The following TBC1D16 variants were observed in gnomAD, a reference collection of about 807,000 sequenced individuals.
The protein encoded by TBC1D16 is TBC1 domain family member 16.
TBC1D16 carries 58 observed loss-of-function variants against 74.7 expected under a neutral mutation model. The observed-to-expected ratio is 0.78, with a 90% confidence interval of 0.63 to 0.97. The LOEUF is 0.97. Ranked by LOEUF, TBC1D16 falls within the 50% of genes least tolerant of loss-of-function variation. TBC1D16 has a pLI of 0.00. For synonymous variants in TBC1D16, 493 were observed against 474.7 expected (o/e 1.04, Z -0.50); for missense variants, 1,014 against 1,079.5 (o/e 0.94, Z 0.85).
In TBC1D16 at chr17:79,943,432, C is replaced by T. The variant is rs1486814322; in HGVS notation, c.1909-1226G>A. Reference sequence around the variant, plus strand: ...CAGGCAGGGCGTAGGGCCGTCCAGCCCCACCACATGCTGACAGCGGACGGA... The same window carrying T: ...CAGGCAGGGCGTAGGGCCGTCCAGCTCCACCACATGCTGACAGCGGACGGA... On this transcript the variant is annotated intron_variant, in intron 10 of 11. Coordinates refer to ENST00000310924, the MANE Select transcript of TBC1D16 (RefSeq NM_019020.4). 4.6e-5 allele frequency among the ~76,000 whole-genome samples: 7 copies of T among 152,208 alleles called. No homozygotes were observed. The East Asian group carries it at 1.4e-3, about 29-fold the overall frequency.
At chr17:79,992,359 G>C (rs2035100136) in intron 3 of TBC1D16, 1 of 152,234 alleles carries the variant, frequency 6.6e-6, no homozygotes, top group African/African-American at 2.4e-5. Flanking sequence ...AGGGGAAACC[G>C]TGACCCACAT....
Position 80,008,199 on chromosome 17 carries a change from G to A in TBC1D16, c.779+1961C>T, listed in dbSNP as rs2035749622. Among the ~76,000 whole-genome samples the A allele has an allele frequency of 6.6e-6, 1 of 152,044 alleles. No individual in the cohort carries two copies. Reference sequence around the variant, plus strand: ...GAAGAACCAGCAAGGCGAAGGGCGGGGAAAAGCGAACCGGGGTGCATTCTC... The same window carrying A: ...GAAGAACCAGCAAGGCGAAGGGCGGAGAAAAGCGAACCGGGGTGCATTCTC... On this transcript the variant is annotated intron_variant, in intron 3 of 11. Transcript: ENST00000310924. This position sits in a 1 kb window ranked among gnomAD's most constrained non-coding sequence, Gnocchi z 4.5.
At chr17:79,945,796 G>A (rs771908940) in intron 9 of TBC1D16, among the ~76,000 whole-genome samples, 10 of 152,360 alleles carry the variant, frequency 6.6e-5, no homozygotes, top group African/African-American at 9.6e-5. Flanking sequence ...ACACACACCC[G>A]TTGATGCAGA....
At chr17:79,976,252 C>T (rs2034325443) in intron 3 of TBC1D16, among the ~76,000 whole-genome samples, 1 of 152,246 alleles carries the variant, frequency 6.6e-6, no homozygotes, top group African/African-American at 2.4e-5. Context: ...CTGGTCATTG[C>T]TCACACCGGC....
chr17:79,970,694 C>T (rs2034051368), intron 3 of TBC1D16, among the ~76,000 whole-genome samples: 1 of 152,114 alleles, frequency 6.6e-6, no homozygotes, highest in South Asian at 2.1e-4. Flanking sequence ...GGTGGAGGGG[C>T]TGGGCACGGC....
chr17:80,032,849 T>C (rs993700900), intron 1 of TBC1D16, among the ~76,000 whole-genome samples: 1 of 152,126 alleles, frequency 6.6e-6, no homozygotes, highest in African/African-American at 2.4e-5. Flanking sequence ...TAGCTAATCT[T>C]ACAAGAGAAT....
intron 3 of TBC1D16, chr17:79,992,483 C>A (rs1318039836): frequency 6.6e-6 from 1 of 152,326 alleles, no homozygotes; most frequent in East Asian, 1.9e-4. Flanking sequence ...GCCCGCCAGG[C>A]TCGGAGAGAG....
rs541153111 is a variant in TBC1D16 at position 80,004,815 on chromosome 17, C to T, written c.779+5345G>A. ...TGAGCTTCCCAAGTAGCTGGGATTA[C>T]AGGCATGTGCCACCATGCTGAACTA... On this transcript the variant is annotated intron_variant, in intron 3 of 11. Transcript: ENST00000310924. Among the ~76,000 whole-genome samples, 49 of 152,336 alleles carry T rather than the reference C, an allele frequency of 3.2e-4. No individual in the cohort carries two copies. In the South Asian group the frequency reaches 9.1e-3, roughly 28 times the overall value.
chr17:79,951,176 T>G lies in TBC1D16; in HGVS notation c.1089+274A>C, dbSNP rs925257694. ...TACCTTAAACAGATAATTAAAGAGC[T>G]CTTATTACATTTGTACGTAGATTGA... is the stretch of plus-strand genomic sequence containing the variant. On this transcript the variant is annotated intron_variant, in intron 5 of 11. Coordinates refer to ENST00000310924, the MANE Select transcript of TBC1D16 (RefSeq NM_019020.4). Among the ~76,000 whole-genome samples, 3 of 152,194 alleles carry G rather than the reference T, an allele frequency of 2.0e-5. No homozygotes were observed. In the South Asian group the frequency reaches 6.2e-4, roughly 32 times the overall value.
rs145829020 is a variant in TBC1D16, at chr17:80,010,204, C to G, written c.735G>C (p.Ala245=). 8.7e-6 allele frequency: 14 copies of G among 1,612,684 alleles called. No individual in the cohort carries two copies. The highest frequency in any genetic ancestry group is 1.2e-5 in the Non-Finnish European group (14 of 1,179,722). The part of the protein sequence containing the change: ...SPFCLSPISA[A]LAESRGSVFL... ...ACACGGAGCCGCGGCTCTCGGCCAG[C>G]GCCGCGCTGATGGGCGAGAGGCAGA... Residue 245 remains alanine (A), a synonymous_variant, in exon 3 of 12, where the codon GCG becomes GCC. Coordinates refer to ENST00000310924, the MANE Select transcript of TBC1D16 (RefSeq NM_019020.4). This position sits in a 1 kb window ranked among gnomAD's most constrained non-coding sequence, Gnocchi z 8.8.
At chr17:79,972,270 G>A (rs992993628) in intron 3 of TBC1D16, among the ~76,000 whole-genome samples, 6 of 152,080 alleles carry the variant, frequency 3.9e-5, no homozygotes, top group East Asian at 3.9e-4. Flanking sequence ...TCCGCCTCCC[G>A]GATTCAAGCG....
At position 79,944,541 on chromosome 17, in the gene TBC1D16, G is replaced by A. The variant is rs945376759; in HGVS notation, c.1908+367C>T. 1.3e-5 allele frequency among the ~76,000 whole-genome samples: 2 copies of A among 152,190 alleles called. No homozygotes were observed. The highest frequency in any genetic ancestry group is 2.4e-5 in the African/African-American group (1 of 41,450). The stretch of plus-strand genomic sequence containing the variant: ...GGTGAGTCGGCCCTCGTGGCAGGGC[G>A]GTCCCGAGGGGGTGGAGCGGTGCTG... On this transcript the variant is annotated intron_variant, in intron 10 of 11. Transcript: ENST00000310924. This position sits in a 1 kb window ranked among gnomAD's most constrained non-coding sequence, Gnocchi z 7.7.
chr17:79,942,352 G>A, intron 10 of TBC1D16, 146 bp from the exon 11 acceptor site: 1 of 862,172 alleles, frequency 1.2e-6, no homozygotes, highest in Non-Finnish European at 1.7e-6. Context: ...GTGTGGCCCT[G>A]GGCAAGCTGC....
At chr17:79,953,115 C>T (rs1007861515) in intron 3 of TBC1D16, 13 of 241,274 alleles carry the variant, frequency 5.4e-5, no homozygotes, top group African/African-American at 9.0e-5. Context: ...TGGGGTTCCT[C>T]GCTGTGTGAC....
intron 3 of TBC1D16, among the ~76,000 whole-genome samples, chr17:79,996,931 G>A (rs949124476): frequency 2.6e-5 from 4 of 152,186 alleles, no homozygotes; most frequent in Non-Finnish European, 4.4e-5. Context: ...CGCGTGGACC[G>A]TGGGGTGCTG....
At chr17:79,958,552 A>C (rs776894439) in intron 3 of TBC1D16, among the ~76,000 whole-genome samples, 2 of 152,232 alleles carry the variant, frequency 1.3e-5, no homozygotes, top group Non-Finnish European at 2.9e-5. Context: ...ATTTGGAAAC[A>C]AGATGCCAAA....
Position 79,949,707 on chromosome 17 carries a change from C to G in TBC1D16, c.1406+10G>C, listed in dbSNP as rs373058991. On this transcript the variant is annotated intron_variant, in intron 7 of 11. Transcript: ENST00000310924. ...TCGGCGGGGTGGGCCGGGCTGGCCCCGGCGGTTACCTTTTCTGCTGGATCT... is the reference window on the plus strand; with the variant it reads ...TCGGCGGGGTGGGCCGGGCTGGCCCGGGCGGTTACCTTTTCTGCTGGATCT... 5.6e-6 allele frequency: 9 copies of G among 1,602,542 alleles called. No individual in the cohort carries two copies. The highest frequency in any genetic ancestry group is 3.3e-5 in the South Asian group (3 of 90,738).
intron 1 of TBC1D16, among the ~76,000 whole-genome samples, chr17:80,023,669 C>T (rs1055982434): frequency 1.3e-5 from 2 of 148,962 alleles, no homozygotes; most frequent in African/African-American, 5.2e-5. Flanking sequence ...CCCCCCCCAC[C>T]GGCTCAGGGC....
chr17:80,023,642 G>A (rs1442009386), intron 1 of TBC1D16, among the ~76,000 whole-genome samples: 4 of 144,444 alleles, frequency 2.8e-5, no homozygotes, highest in East Asian at 2.0e-4. Context: ...GGCCAGGAGC[G>A]AGAACTGCTG....
Sources: allele counts gnomAD v4.1 joint callset (sites outside exome capture counted in the v4.1 genomes callset), GRCh38; gene constraint gnomAD v4.1.1; non-coding constraint Gnocchi (gnomAD v3.1); transcripts MANE v1.5; gene names NCBI Gene and HGNC (gene_info 2026-07-23, HGNC 2026-07-21).